The following IGFN1 variants were observed in gnomAD, a reference collection of about 807,000 sequenced individuals.
IGFN1 encodes the protein immunoglobulin like and fibronectin type III domain containing 1, also known as immunoglobulin-like and fibronectin type III domain-containing protein 1.
In IGFN1, 253 loss-of-function variants were observed where a neutral mutation model predicts 289.5. That is an observed-to-expected ratio of 0.87 (90% CI 0.79 to 0.97). The LOEUF is 0.97. IGFN1 is among the 50% of genes least tolerant of loss of function. The pLI, the probability that IGFN1 is intolerant of heterozygous loss-of-function variation, is 0.00. For missense variants in IGFN1, 4,470 were observed against 4,686.1 expected, an observed-to-expected ratio of 0.95 and a Z score of 1.35; for synonymous variants, 1,706 against 1,788.5, an observed-to-expected ratio of 0.95 and a Z score of 1.16.
chr1:201,228,509 A>G lies in IGFN1; in HGVS notation c.*110A>G. 1 of 1,209,084 alleles carries G rather than the reference A, an allele frequency of 8.3e-7. No individual in the cohort carries two copies. The highest frequency in any genetic ancestry group is 1.2e-6 in the Non-Finnish European group (1 of 812,578). The allele number at this position is 1,209,084 out of a possible 1,614,324, so 74.9% of individuals were successfully genotyped here. On this transcript the variant is annotated 3_prime_UTR_variant, in exon 24 of 24. Transcript: ENST00000335211. ...GGAGGCTGTGCCCAGAGCCCCAGGA[A>G]AATGGGAGTGAGAAGATGCCTGGCG...
chr1:201,206,041 A>T, intron 11 of IGFN1, 42 bp from the exon 12 acceptor site: 2 of 1,332,878 alleles, frequency 1.5e-6, no homozygotes, highest in African/African-American at 1.5e-5. Flanking sequence ...TTGTCTCTCC[A>T]TGTGGGCACT....
intron 7 of IGFN1, 55 bp downstream of exon 7, chr1:201,199,709 C>G: frequency 1.4e-6 from 2 of 1,460,292 alleles, no homozygotes; most frequent in Non-Finnish European, 1.9e-6. Context: ...TATTCACCCC[C>G]TGCTATTTCC....
chr1:201,194,334 G>A, intron 3 of IGFN1, 61 bp downstream of exon 3: 4 of 1,538,214 alleles, frequency 2.6e-6, no homozygotes, highest in Non-Finnish European at 3.5e-6. Flanking sequence ...CCTCCCAGGG[G>A]AGAGGGCTGG....
At position 201,217,301 on chromosome 1, in the gene IGFN1, C is replaced by A; in HGVS notation, c.9610C>A (p.Pro3204Thr). The A allele has an allele frequency of 6.2e-7, 1 of 1,613,928 alleles. No individual in the cohort carries two copies. The highest frequency in any genetic ancestry group is 8.5e-7 in the Non-Finnish European group (1 of 1,179,982). Residue 3204 changes from proline (P) to threonine (T), a missense_variant, in exon 17 of 24, where the codon CCT becomes ACT. Physicochemically the swap from Pro to Thr is conservative, Grantham distance 38. Around this residue, in one of 8 missense-constraint regions of IGFN1, gnomAD observed 2,218 missense variants for 2,114.1 expected, o/e 1.05. Transcript: ENST00000335211. Reference sequence around the variant, plus strand: ...CTTACCCCCAGCTCTCCCCAAGGCCCCTTCCGCGCCAGCCATCCTGTCGGC... The same window carrying A: ...CTTACCCCCAGCTCTCCCCAAGGCCACTTCCGCGCCAGCCATCCTGTCGGC... ...LVAPEALPKA[P>T]SAPAILSASS...
chr1:201,226,083 C>T lies in IGFN1; in HGVS notation c.10746C>T (p.Pro3582=), dbSNP rs1361842734. 1 of 1,604,112 alleles carries T rather than the reference C, an allele frequency of 6.2e-7. No individual in the cohort carries two copies. Among genetic ancestry groups the T allele is most frequent in the East Asian group, 2.2e-5 (1 of 44,630 alleles). The change falls in exon 22 of 24, where the codon CCC becomes CCT. Residue 3582 remains proline (P), a synonymous_variant. Coordinates refer to ENST00000335211, the MANE Select transcript of IGFN1 (RefSeq NM_001164586.2). ...AGAATGAGCTGGGGGCCAGCAAACC[C>T]TCGGACACCAGCCAGCCCTGGTGCA... ...VAKNELGASK[P]SDTSQPWCIP... is the part of the protein sequence containing the mutation.
At chr1:201,220,301 G>A (rs937506182) in intron 18 of IGFN1, among the ~76,000 whole-genome samples, 12 of 152,192 alleles carry the variant, frequency 7.9e-5, no homozygotes, top group African/African-American at 2.4e-4. Flanking sequence ...TCCTGCCTCA[G>A]CCTCTTAAGC....
Position 201,207,920 on chromosome 1 carries a change from C to A in IGFN1, c.3027C>A (p.Tyr1009Ter). ...AGVESEEGGG[Y>*]RHGSGAPGGV... is the part of the protein sequence containing the mutation. ...TGGAGTCTGAGGAAGGGGGTGGGTA[C>A]AGGCATGGCTCCGGAGCGCCTGGGG... Residue 1009 changes from tyrosine (Y) to a stop codon, truncating the protein, a stop_gained, in exon 12 of 24, where the codon TAC becomes TAA. Transcript: ENST00000335211. LOFTEE classifies it high-confidence loss of function. The A allele has an allele frequency of 6.5e-7, 1 of 1,536,666 alleles. No homozygotes were observed.
At chr1:201,228,335 G>A (rs771009176) in intron 23 of IGFN1, 51 bp from the exon 24 acceptor site, 1 of 1,589,236 alleles carries the variant, frequency 6.3e-7, no homozygotes, top group Non-Finnish European at 8.6e-7. Flanking sequence ...AACAGATGCA[G>A]GGTGGGGTGG....
At position 201,206,148 on chromosome 1, in the gene IGFN1, G is replaced by A; in HGVS notation, c.1255G>A (p.Ala419Thr). Residue 419 changes from alanine (A) to threonine (T), a missense_variant, in exon 12 of 24, where the codon GCA becomes ACA. Around this residue, in one of 8 missense-constraint regions of IGFN1, gnomAD observed 2,011 missense variants for 1,953.4 expected, o/e 1.03. Transcript: ENST00000335211. ...DHKLQRQGAQASGAEESGSIE... is the reference protein window; with the variant it reads ...DHKLQRQGAQTSGAEESGSIE... ...CAAACTGCAGAGGCAAGGAGCCCAG[G>A]CATCAGGAGCAGAAGAGTCTGGGAG... The A allele has an allele frequency of 6.4e-7, 1 of 1,550,860 alleles. No individual in the cohort carries two copies. The highest frequency in any genetic ancestry group is 8.7e-7 in the Non-Finnish European group (1 of 1,146,930).
Position 201,208,402 on chromosome 1 carries a change from GC to G in IGFN1, c.3512del (p.Pro1171LeufsTer140), listed in dbSNP as rs1558143592. On this transcript the variant is annotated frameshift_variant, in exon 12 of 24. Transcript: ENST00000335211. LOFTEE classifies it high-confidence loss of function. The stretch of plus-strand genomic sequence containing the variant: ...GTGGGTGAGGGGGATGGGACAAGAT[GC>G]CCTGGTGCTAAGGCCTCTGGAGCTG... ...SKVGEGDGTR[C>X]PGAKASGAGA... 2.1e-6 allele frequency: 3 copies of G among 1,452,018 alleles called. No homozygotes were observed. In the East Asian group the frequency reaches 7.4e-5, roughly 36 times the overall value. 89.9% of individuals were successfully genotyped at this position (1,452,018 alleles called of 1,614,324 possible).
intron 11 of IGFN1, among the ~76,000 whole-genome samples, chr1:201,205,637 C>T (rs1306775324): frequency 6.6e-6 from 1 of 152,142 alleles, no homozygotes; most frequent in East Asian, 1.9e-4. Flanking sequence ...GATGAGAAGC[C>T]CCTGCACCAG....
chr1:201,200,837 T>C (rs1474931047), intron 8 of IGFN1, among the ~76,000 whole-genome samples: 6 of 150,544 alleles, frequency 4.0e-5, no homozygotes, highest in Admixed American at 1.3e-4. Context: ...TCTTTCTTTT[T>C]TTTTTTTTTT....
chr1:201,193,171 G>T, intron 1 of IGFN1, 76 bp from the exon 2 acceptor site: 1 of 719,336 alleles, frequency 1.4e-6, no homozygotes, highest in Non-Finnish European at 2.5e-6. Flanking sequence ...GACATTGGCT[G>T]ATGCACTGAT....
At chr1:201,195,786 CA>C (rs1310180894) in intron 3 of IGFN1, 52 bp from the exon 4 acceptor site, 6 of 1,513,400 alleles carry the variant, frequency 4.0e-6, no homozygotes, top group Non-Finnish European at 5.3e-6. Context: ...ATAAAGTATA[CA>C]GTCACCCTCT....
In IGFN1 at chr1:201,224,862, A is replaced by G. The variant is rs372470166; in HGVS notation, c.10474A>G (p.Ile3492Val). 2 of 1,613,130 alleles carry G rather than the reference A, an allele frequency of 1.2e-6. No homozygotes were observed. The highest frequency in any genetic ancestry group is 1.7e-6 in the Non-Finnish European group (2 of 1,179,456). Residue 3492 changes from isoleucine (I) to valine (V), a missense_variant, in exon 21 of 24, where the codon ATC (isoleucine) becomes GTC (valine). Transcript: ENST00000335211. ...GAAGGAGGTTGCCCACAGCTTCCGT[A>G]TCAGGGTGGCAGGTGAGGCAGGCCT... is the stretch of plus-strand genomic sequence containing the variant. The part of the protein sequence containing the change: ...QGKEVAHSFR[I>V]RVAACPQAPG...
At chr1:201,191,953 C>T (rs1423457235) in intron 1 of IGFN1, among the ~76,000 whole-genome samples, 1 of 148,232 alleles carries the variant, frequency 6.7e-6, no homozygotes, top group Non-Finnish European at 1.5e-5. Context: ...GGCACCAGTG[C>T]ACTTGCATCT....
intron 8 of IGFN1, among the ~76,000 whole-genome samples, chr1:201,201,012 T>C (rs1419685261): frequency 6.6e-6 from 1 of 152,094 alleles, no homozygotes; most frequent in Admixed American, 6.6e-5. Flanking sequence ...TTTGTATTTT[T>C]AGTAGAGACG....
intron 7 of IGFN1, 115 bp downstream of exon 7, chr1:201,199,769 T>C: frequency 1.2e-6 from 1 of 845,516 alleles, no homozygotes; most frequent in Non-Finnish European, 1.9e-6. Context: ...AGCAGGGAGC[T>C]AGACTGCCAG....
chr1:201,227,058 G>C lies in IGFN1; in HGVS notation c.10963G>C (p.Glu3655Gln). ...CTGGTTCAAGAATGACCGCAGCCTGGAAGGAAACCCCGCGGTGTACAGCAC... is the reference window on the plus strand; with the variant it reads ...CTGGTTCAAGAATGACCGCAGCCTGCAAGGAAACCCCGCGGTGTACAGCAC... Reference protein sequence around the residue: ...VTWFKNDRSLEGNPAVYSTDL... With the variant: ...VTWFKNDRSLQGNPAVYSTDL... Residue 3655 changes from glutamate (E) to glutamine (Q), a missense_variant, in exon 23 of 24, where the codon GAA becomes CAA. Around this residue, in one of 8 missense-constraint regions of IGFN1, gnomAD observed 2,218 missense variants for 2,114.1 expected, o/e 1.05. Transcript: ENST00000335211. 1 of 1,613,662 alleles carries C rather than the reference G, an allele frequency of 6.2e-7. No individual in the cohort carries two copies. Among genetic ancestry groups the C allele is most frequent in the East Asian group, 2.2e-5 (1 of 44,888 alleles).
Sources: allele counts gnomAD v4.1 joint callset (sites outside exome capture counted in the v4.1 genomes callset), GRCh38; gene constraint gnomAD v4.1.1; regional missense constraint gnomAD v4.1.1; transcripts MANE v1.5; gene names NCBI Gene and HGNC (gene_info 2026-07-23, HGNC 2026-07-21).